The following KIF17 variants were observed in gnomAD, a reference collection of about 807,000 sequenced individuals.
The protein encoded by KIF17 is kinesin family member 17.
In KIF17, 80 loss-of-function variants were observed where a neutral mutation model predicts 96.8. That is an observed-to-expected ratio of 0.83 (90% CI 0.69 to 1.00). KIF17 has a LOEUF of 1.00. Among genes scored for constraint, KIF17 ranks in the 50% least tolerant of loss-of-function variants. The pLI is 0.00. For synonymous variants in KIF17, 567 were observed against 587.5 expected (o/e 0.97, Z 0.51); for missense variants, 1,280 against 1,372.9 (o/e 0.93, Z 1.07).
rs774513929 is a variant in KIF17 at position 20,671,965 on chromosome 1, C to T, written c.2695G>A (p.Val899Ile). 92 of 1,613,866 alleles carry T rather than the reference C, an allele frequency of 5.7e-5. No homozygotes were observed. The highest frequency in any genetic ancestry group is 1.7e-4 in the Middle Eastern group (1 of 5,884). Residue 899 changes from valine to isoleucine, a missense_variant, in exon 12 of 15, where the codon GTC becomes ATC. Physicochemically the swap from Val to Ile is conservative, Grantham distance 29. Coordinates refer to ENST00000400463, the MANE Select transcript of KIF17 (RefSeq NM_001122819.3). ...DNGFWKIPHP[V>I]ITKTSLPVVS... ...ACTGGGAGGCTGGTTTTTGTGATGA[C>T]GGGATGTGGGATCTTCCAGAAGCCG...
In KIF17 at chr1:20,685,768, G is replaced by C. The variant is rs2053926624; in HGVS notation, c.2019+278C>G. 6.6e-6 allele frequency among the ~76,000 whole-genome samples: 1 copy of C among 152,150 alleles called. No homozygotes were observed. The highest frequency in any genetic ancestry group is 6.5e-5 in the Admixed American group (1 of 15,272). On this transcript the variant is annotated intron_variant, in intron 9 of 14. Coordinates refer to ENST00000400463, the MANE Select transcript of KIF17 (RefSeq NM_001122819.3). The surrounding 1 kb of genome is among the most constrained non-coding windows in gnomAD (Gnocchi z 4.1). The stretch of plus-strand genomic sequence containing the variant: ...CAGCCCTCGTCCTTTGCACACACTG[G>C]GCCTCAATTCCTTTACACAAAGGGC...
chr1:20,705,111 C>T (rs530839464), intron 4 of KIF17, among the ~76,000 whole-genome samples: 2 of 152,342 alleles, frequency 1.3e-5, no homozygotes, highest in East Asian at 3.9e-4. Flanking sequence ...CAAGGTCACA[C>T]AGCTGCTAAG....
At chr1:20,703,903 C>T (rs2054290325) in intron 5 of KIF17, among the ~76,000 whole-genome samples, 1 of 151,374 alleles carries the variant, frequency 6.6e-6, no homozygotes, top group Non-Finnish European at 1.5e-5. Flanking sequence ...TGCCCTCCAG[C>T]CTGGGCGACA....
chr1:20,676,189 G>C (rs930622616), intron 11 of KIF17, among the ~76,000 whole-genome samples: 10 of 151,816 alleles, frequency 6.6e-5, no homozygotes, highest in African/African-American at 2.4e-4. Context: ...AACCATAGAA[G>C]TTCTAGAAAA....
chr1:20,685,312 C>T lies in KIF17; in HGVS notation c.2020-292G>A. ...ATCTTAAAATAGAAACCGATCACAT[C>T]CCGTTCCCGATGAGCCCCATGTGAC... On this transcript the variant is annotated intron_variant, in intron 9 of 14. Coordinates refer to ENST00000400463, the MANE Select transcript of KIF17 (RefSeq NM_001122819.3). This position sits in a 1 kb window ranked among gnomAD's most constrained non-coding sequence, Gnocchi z 4.1. The T allele has an allele frequency of 1.7e-6, 1 of 596,646 alleles. No individual in the cohort carries two copies. Among genetic ancestry groups the T allele is most frequent in the Non-Finnish European group, 3.2e-6 (1 of 317,422 alleles). The allele number at this position is 596,646 out of a possible 1,614,324, so 37.0% of individuals were successfully genotyped here. A position where few individuals can be genotyped will look rare whatever the true frequency, so the allele number is the denominator to read the frequency against.
chr1:20,667,102 A>G (rs1160948320), intron 13 of KIF17, among the ~76,000 whole-genome samples: 1 of 152,168 alleles, frequency 6.6e-6, no homozygotes, highest in African/African-American at 2.4e-5. Context: ...ATGGACTGGT[A>G]CCAGTCCCTG....
rs193150475 is a variant in KIF17 at position 20,708,757 on chromosome 1, T to C, written c.670+882A>G. ...GCCTGTCTCTAAGACTGTCGTGAGA[T>C]TTAAATGGAATGAAGGGTATAAAGG... is the stretch of plus-strand genomic sequence containing the variant. On this transcript the variant is annotated intron_variant, in intron 4 of 14. Transcript: ENST00000400463. Among the ~76,000 whole-genome samples the C allele has an allele frequency of 7.4e-4, 112 of 152,284 alleles. 1 individual carries two copies. Among genetic ancestry groups the C allele is most frequent in the Non-Finnish European group, 3.8e-4 (26 of 68,020 alleles).
At position 20,672,136 on chromosome 1, in the gene KIF17, C is replaced by A. The variant is rs200369420; in HGVS notation, c.2524G>T (p.Asp842Tyr). ...LQSEFQLEKIDYLATIRRQER... is the reference protein window; with the variant it reads ...LQSEFQLEKIYYLATIRRQER... ...TGCCGGCGGATGGTGGCCAAGTAAT[C>A]GATCTTCTCCAGCTGAAACTCGGAC... is the stretch of plus-strand genomic sequence containing the variant. Residue 842 changes from aspartate (D) to tyrosine (Y), a missense_variant, in exon 12 of 15, where the codon GAT becomes TAT. Transcript: ENST00000400463. The surrounding 1 kb of genome is among the most constrained non-coding windows in gnomAD (Gnocchi z 4.3). 4 of 1,614,170 alleles carry A rather than the reference C, an allele frequency of 2.5e-6. No homozygotes were observed. The highest frequency in any genetic ancestry group is 2.2e-5 in the South Asian group (2 of 91,080).
In KIF17 at chr1:20,690,341, G is replaced by C. The variant is rs1392139036; in HGVS notation, c.1234-6C>G. 8 of 1,599,498 alleles carry C rather than the reference G, an allele frequency of 5.0e-6. No individual in the cohort carries two copies. Among genetic ancestry groups the C allele is most frequent in the Middle Eastern group, 1.8e-4 (1 of 5,592 alleles). On this transcript the variant is annotated splice_polypyrimidine_tract_variant and splice_region_variant and intron_variant, in intron 6 of 14. Coordinates refer to ENST00000400463, the MANE Select transcript of KIF17 (RefSeq NM_001122819.3). ...GCCAGGCGCTCTTCATACTCCTGGG[G>C]GGGTGGGAGGGACCAGAGGGCAGGC... is the stretch of plus-strand genomic sequence containing the variant.
In KIF17 at chr1:20,682,703, G is replaced by A. The variant is rs1187755747; in HGVS notation, c.2413C>T (p.Gln805Ter). ...WVLLNVYDSIQEEVRAKSKLL... is the reference protein window; with the variant it reads ...WVLLNVYDSI ...TTGCTCTTGGCCCGCACTTCCTCCT[G>A]GATGGAGTCGTAGACGTTAAGCAGC... Residue 805 changes from glutamine to a stop codon, truncating the protein, a stop_gained, in exon 11 of 15, where the codon CAG (glutamine) becomes TAG (stop). Coordinates refer to ENST00000400463, the MANE Select transcript of KIF17 (RefSeq NM_001122819.3). LOFTEE classifies it high-confidence loss of function. The A allele has an allele frequency of 6.2e-7, 1 of 1,613,788 alleles. No individual in the cohort carries two copies. The highest frequency in any genetic ancestry group is 8.5e-7 in the Non-Finnish European group (1 of 1,180,038).
intron 7 of KIF17, among the ~76,000 whole-genome samples, chr1:20,689,836 G>A (rs1175474130): frequency 6.6e-6 from 1 of 152,144 alleles, no homozygotes; most frequent in Non-Finnish European, 1.5e-5. Flanking sequence ...AGAAAGGGTG[G>A]CACTTCACAG....
intron 3 of KIF17, among the ~76,000 whole-genome samples, chr1:20,711,751 T>TA (rs1055053933): frequency 6.6e-6 from 1 of 152,132 alleles, no homozygotes; most frequent in African/African-American, 2.4e-5. Flanking sequence ...AACCTCTGAT[T>TA]ACAACCACGA....
intron 4 of KIF17, among the ~76,000 whole-genome samples, chr1:20,705,895 T>C (rs962486676): frequency 1.7e-5 from 2 of 114,486 alleles, no homozygotes; most frequent in East Asian, 2.2e-4. Flanking sequence ...GGATGTCTCT[T>C]TTTTTTTTTT....
rs535548971 is a variant in KIF17, at chr1:20,710,854, G to A, written c.481-1026C>T. The stretch of plus-strand genomic sequence containing the variant: ...GACACCCAGAAAGGAGAAGGTGAAG[G>A]TCACAGCTGTTTGTTAGTGGGGTCA... On this transcript the variant is annotated intron_variant, in intron 3 of 14. Transcript: ENST00000400463. Among the ~76,000 whole-genome samples the A allele has an allele frequency of 2.5e-4, 38 of 152,326 alleles. No homozygotes were observed. The South Asian group carries it at 7.3e-3, about 29-fold the overall frequency.
chr1:20,665,533 G>A (rs1048989971), intron 14 of KIF17, among the ~76,000 whole-genome samples: 2 of 151,408 alleles, frequency 1.3e-5, no homozygotes, highest in Non-Finnish European at 2.9e-5. Flanking sequence ...CTGAGTAGTT[G>A]GGATTACAGG....
intron 13 of KIF17, among the ~76,000 whole-genome samples, chr1:20,669,191 G>A (rs2053588570): frequency 6.6e-6 from 1 of 152,136 alleles, no homozygotes; most frequent in Non-Finnish European, 1.5e-5. Context: ...TCTGGTGGCT[G>A]CTGGGGACAG....
At chr1:20,684,017 C>A (rs780784526) in intron 10 of KIF17, among the ~76,000 whole-genome samples, 1 of 152,256 alleles carries the variant, frequency 6.6e-6, no homozygotes, top group East Asian at 1.9e-4. Flanking sequence ...CAGGCAATGC[C>A]CATTTTGACC....
In KIF17 at chr1:20,667,177, G is replaced by A. The variant is rs796472534; in HGVS notation, c.2791-846C>T. ...CAGGTGAGCAAGTGAAGCTTCATCT[G>A]TATTTGCAGCTGCTCCCCATCACTT... On this transcript the variant is annotated intron_variant, in intron 13 of 14. Coordinates refer to ENST00000400463, the MANE Select transcript of KIF17 (RefSeq NM_001122819.3). 3.3e-5 allele frequency among the ~76,000 whole-genome samples: 5 copies of A among 152,296 alleles called. 1 individual carries two copies. The highest frequency in any genetic ancestry group is 7.2e-5 in the African/African-American group (3 of 41,556).
Position 20,716,247 on chromosome 1 carries a change from A to G in KIF17, c.232-608T>C, listed in dbSNP as rs1369860177. On this transcript the variant is annotated intron_variant, in intron 1 of 14. Transcript: ENST00000400463. ...ACAGCGCGAGACTCCGTCTCAAAAAAAAAAAAAAAAAAAATCAATATCTTA... is the reference window on the plus strand; with the variant it reads ...ACAGCGCGAGACTCCGTCTCAAAAAGAAAAAAAAAAAAAATCAATATCTTA... Among the ~76,000 whole-genome samples the G allele has an allele frequency of 2.0e-5, 3 of 152,044 alleles. No individual in the cohort carries two copies. In the East Asian group the frequency reaches 5.8e-4, roughly 29 times the overall value.
Sources: gnomAD v4.1 joint callset for allele counts (sites outside exome capture counted in the v4.1 genomes callset) on GRCh38, gnomAD v4.1.1 for gene constraint, Gnocchi (gnomAD v3.1) non-coding constraint, MANE v1.5 for transcripts, NCBI Gene and HGNC (gene_info 2026-07-23, HGNC 2026-07-21) for gene names.